The following SLC4A4 variants were observed in gnomAD, a reference collection of about 807,000 sequenced individuals.
SLC4A4 encodes the protein solute carrier family 4 member 4, also known as electrogenic sodium bicarbonate cotransporter 1.
In SLC4A4, 27 loss-of-function variants were observed where a neutral mutation model predicts 111.5. The ratio of observed to expected loss-of-function variants is 0.24; its 90% CI spans 0.18 to 0.33. SLC4A4 has a LOEUF of 0.33. Among genes scored for constraint, SLC4A4 ranks in the 10% least tolerant of loss-of-function variants. The probability of loss-of-function intolerance (pLI) is 1.00; values close to 1 mark genes in which losing one functional copy is unlikely to be tolerated. For missense variants in SLC4A4, 909 were observed against 1,315.5 expected (o/e 0.69, Z 4.78); for synonymous variants, 443 against 463.4 (o/e 0.96, Z 0.57).
chr4:71,085,674 A>G (rs1259494003), intron 1 of SLC4A4, among the ~76,000 whole-genome samples: 1 of 152,020 alleles, frequency 6.6e-6, no homozygotes, highest in African/African-American at 2.4e-5. Flanking sequence ...TCCTTTCCCC[A>G]TTGCTTGTTT....
intron 1 of SLC4A4, among the ~76,000 whole-genome samples, chr4:71,074,198 T>C (rs978833691): frequency 2.0e-5 from 3 of 152,156 alleles, no homozygotes; most frequent in Non-Finnish European, 4.4e-5. Context: ...TCCATAGTGA[T>C]AAATAATAAA....
chr4:71,283,721 A>G (rs975477862), intron 3 of SLC4A4, among the ~76,000 whole-genome samples: 1 of 152,198 alleles, frequency 6.6e-6, no homozygotes. Flanking sequence ...CAGATTGTGT[A>G]TGAAACTTTG....
intron 7 of SLC4A4, among the ~76,000 whole-genome samples, chr4:71,411,370 C>G (rs569785236): frequency 8.5e-5 from 13 of 152,134 alleles, no homozygotes; most frequent in South Asian, 2.1e-4. Flanking sequence ...ACGCCCCCCC[C>G]CTCTTGCCCC....
intron 2 of SLC4A4, among the ~76,000 whole-genome samples, chr4:71,171,523 G>A (rs542712873): frequency 6.6e-6 from 1 of 152,204 alleles, no homozygotes; most frequent in South Asian, 2.1e-4. Flanking sequence ...TAGTTTCCAT[G>A]GGAATTAGGA....
At chr4:71,528,596 A>G (rs1203406067) in intron 16 of SLC4A4, among the ~76,000 whole-genome samples, 4 of 152,094 alleles carry the variant, frequency 2.6e-5, no homozygotes, top group Admixed American at 6.6e-5. Context: ...TTGATATAGT[A>G]ACTCTTCTGA....
At chr4:71,231,737 C>G (rs1204492165) in intron 1 of SLC4A4, among the ~76,000 whole-genome samples, 1 of 152,126 alleles carries the variant, frequency 6.6e-6, no homozygotes, top group African/African-American at 2.4e-5. Flanking sequence ...CATGTTCTTC[C>G]CTTTCTTTGT....
intron 1 of SLC4A4, among the ~76,000 whole-genome samples, chr4:71,065,316 G>A (rs543767317): frequency 2.2e-4 from 33 of 152,082 alleles, no homozygotes; most frequent in African/African-American, 7.0e-4. Flanking sequence ...GAAGGGTAGG[G>A]GGTATTTTGC....
intron 7 of SLC4A4, among the ~76,000 whole-genome samples, chr4:71,433,406 CT>C (rs367633169): frequency 8.6e-5 from 13 of 151,940 alleles, no homozygotes; most frequent in East Asian, 1.9e-4. Context: ...CATTTATCCC[CT>C]ATCTCTCCTG....
chr4:71,511,885 G>A (rs565677525), intron 16 of SLC4A4, among the ~76,000 whole-genome samples: 1 of 152,034 alleles, frequency 6.6e-6, no homozygotes, highest in Non-Finnish European at 1.5e-5. Context: ...TTCCGTGCCT[G>A]ACTTATTTCA....
chr4:71,214,309 G>C (rs1718299333), intron 1 of SLC4A4, among the ~76,000 whole-genome samples: 1 of 152,142 alleles, frequency 6.6e-6, no homozygotes, highest in Non-Finnish European at 1.5e-5. Context: ...GGTTTGAAAG[G>C]GAATGATAAT....
At chr4:71,362,983 T>G (rs1359702562) in intron 6 of SLC4A4, among the ~76,000 whole-genome samples, 2 of 152,186 alleles carry the variant, frequency 1.3e-5, no homozygotes, top group Admixed American at 1.3e-4. Context: ...TTAATTCAAA[T>G]ATGAGAAATG....
chr4:71,460,841 T>C (rs1661737584), intron 12 of SLC4A4, among the ~76,000 whole-genome samples: 1 of 152,140 alleles, frequency 6.6e-6, no homozygotes, highest in Non-Finnish European at 1.5e-5. Context: ...GGTTCTGATT[T>C]AATTGTTTAG....
rs567374973 is a variant in SLC4A4 at position 71,255,341 on chromosome 4, T to C, written c.195T>C (p.Ser65=). The change falls in exon 3 of 26, where the codon TCT becomes TCC. Residue 65 remains serine (S), a synonymous_variant. Transcript: ENST00000264485. The part of the protein sequence containing the change: ...KEKERISENY[S]DKSDIENADE... ...AGGAGAGAATCTCTGAGAACTACTC[T>C]GACAAATCAGATATTGAAAATGCTG... 6.8e-6 allele frequency: 11 copies of C among 1,613,622 alleles called. No individual in the cohort carries two copies. In the East Asian group the frequency reaches 2.2e-4, roughly 33 times the overall value.
intron 2 of SLC4A4, among the ~76,000 whole-genome samples, chr4:71,240,195 T>C (rs530846766): frequency 1.1e-3 from 161 of 152,274 alleles, no homozygotes; most frequent in Middle Eastern, 0.01. Context: ...GTTTTATTCC[T>C]AAAAAAGCCA....
At chr4:71,357,585 A>G (rs1233387851) in intron 6 of SLC4A4, among the ~76,000 whole-genome samples, 2 of 152,186 alleles carry the variant, frequency 1.3e-5, no homozygotes, top group African/African-American at 4.8e-5. Flanking sequence ...GATATGATAA[A>G]TGCCTTGAAA....
intron 2 of SLC4A4, among the ~76,000 whole-genome samples, chr4:71,121,158 C>T (rs1444252276): frequency 6.6e-6 from 1 of 152,178 alleles, no homozygotes; most frequent in Non-Finnish European, 1.5e-5. Context: ...TCAGCTGCCT[C>T]CCCACAGGGA....
intron 3 of SLC4A4, among the ~76,000 whole-genome samples, chr4:71,291,480 C>A (rs1340291156): frequency 6.6e-6 from 1 of 151,876 alleles, no homozygotes; most frequent in Non-Finnish European, 1.5e-5. Flanking sequence ...CACTCTGCCA[C>A]CCAGGCTGGA....
At chr4:71,139,405 G>A (rs562523166) in intron 2 of SLC4A4, among the ~76,000 whole-genome samples, 1 of 152,224 alleles carries the variant, frequency 6.6e-6, no homozygotes, top group South Asian at 2.1e-4. Flanking sequence ...GAGACTGTGA[G>A]GTTGTTCACC....
chr4:71,298,032 AG>A (rs1289457350), intron 3 of SLC4A4, among the ~76,000 whole-genome samples: 2 of 152,180 alleles, frequency 1.3e-5, no homozygotes. Flanking sequence ...GACCTTTCTG[AG>A]GCTCTGTTTC....
Sources: gnomAD v4.1 joint callset for allele counts (sites outside exome capture counted in the v4.1 genomes callset) on GRCh38, gnomAD v4.1.1 for gene constraint, MANE v1.5 for transcripts, NCBI Gene and HGNC (gene_info 2026-07-23, HGNC 2026-07-21) for gene names.